The following TSPEAR variants were observed in gnomAD, a reference collection of about 807,000 sequenced individuals.
TSPEAR encodes thrombospondin-type laminin G domain and EAR repeat-containing protein.
Under a neutral mutation model 71.6 loss-of-function variants are expected in TSPEAR, and 69 were observed. The ratio of observed to expected loss-of-function variants is 0.96; its 90% CI spans 0.79 to 1.18. The LOEUF (loss-of-function observed/expected upper bound fraction) is 1.18, where lower values mean the gene tolerates loss of function less well. Ranked by LOEUF, TSPEAR falls within the 50% of genes most tolerant of loss-of-function variation. The probability of loss-of-function intolerance (pLI) is 0.00; values close to 1 mark genes in which losing one functional copy is unlikely to be tolerated. For missense variants in TSPEAR, 971 were observed against 894.9 expected (o/e 1.09, Z -1.09); for synonymous variants, 402 against 387.2 (o/e 1.04, Z -0.45).
intron 2 of TSPEAR, among the ~76,000 whole-genome samples, chr21:44,560,163 A>AT (rs1555920779): frequency 2.6e-5 from 4 of 152,172 alleles, no homozygotes; most frequent in African/African-American, 9.7e-5. Flanking sequence ...ATGGAAAGCA[A>AT]CGTAAGCAGG....
chr21:44,615,719 T>C (rs1982047947), intron 1 of TSPEAR, among the ~76,000 whole-genome samples: 1 of 152,014 alleles, frequency 6.6e-6, no homozygotes, highest in Non-Finnish European at 1.5e-5. Context: ...AACTTCTATA[T>C]ATATATAGTT....
At chr21:44,523,868 G>A (rs587697219) in intron 8 of TSPEAR, among the ~76,000 whole-genome samples, 1 of 151,054 alleles carries the variant, frequency 6.6e-6, no homozygotes, top group East Asian at 2.0e-4. Flanking sequence ...GGCTAGTCAG[G>A]TAGTTGGTCA....
At chr21:44,598,371 C>A (rs1194389997) in intron 1 of TSPEAR, among the ~76,000 whole-genome samples, 6 of 152,214 alleles carry the variant, frequency 3.9e-5, no homozygotes, top group African/African-American at 1.4e-4. Context: ...AACTTCTACT[C>A]TCCTTTGTTC....
intron 1 of TSPEAR, among the ~76,000 whole-genome samples, chr21:44,650,195 G>T (rs972346247): frequency 6.8e-6 from 1 of 147,764 alleles, no homozygotes. Flanking sequence ...CAGCCTGGGT[G>T]ACCAGGCAAG....
At chr21:44,529,668 C>T in intron 5 of TSPEAR, 130 bp downstream of exon 5, 1 of 1,048,408 alleles carries the variant, frequency 9.5e-7, no homozygotes, top group Non-Finnish European at 1.4e-6. Context: ...GACCGCTGCC[C>T]CCCGTAGCAG....
intron 1 of TSPEAR, chr21:44,647,489 G>T (rs1984511159): frequency 9.3e-7 from 1 of 1,078,364 alleles, no homozygotes; most frequent in Non-Finnish European, 1.3e-6. Flanking sequence ...AGGGGATTTT[G>T]AGCGCGTCAC....
intron 1 of TSPEAR, among the ~76,000 whole-genome samples, chr21:44,576,153 G>A (rs1354657901): frequency 6.6e-6 from 1 of 152,226 alleles, no homozygotes; most frequent in Non-Finnish European, 1.5e-5. Flanking sequence ...GAATTTCCAT[G>A]CACAGGTGTC....
chr21:44,667,302 G>T (rs587598925), intron 1 of TSPEAR, among the ~76,000 whole-genome samples: 4 of 152,250 alleles, frequency 2.6e-5, no homozygotes, highest in Middle Eastern at 6.8e-3. Flanking sequence ...GCTCAGGAAG[G>T]CTCCACAGTC....
At chr21:44,614,139 T>A (rs1178350182) in intron 1 of TSPEAR, among the ~76,000 whole-genome samples, 1 of 152,154 alleles carries the variant, frequency 6.6e-6, no homozygotes, top group African/African-American at 2.4e-5. Flanking sequence ...AGCTCCCCCA[T>A]CTTGCTCTGT....
chr21:44,582,907 C>T (rs192910795), intron 1 of TSPEAR, among the ~76,000 whole-genome samples: 117 of 152,034 alleles, frequency 7.7e-4, no homozygotes, highest in African/African-American at 2.5e-3. Flanking sequence ...GCTGCAGGCC[C>T]CACCTCCCGG....
Position 44,546,010 on chromosome 21 carries a change from C to T in TSPEAR, c.304-12087G>A, listed in dbSNP as rs1194067782. On this transcript the variant is annotated intron_variant, in intron 2 of 11. Transcript: ENST00000323084. This position sits in a 1 kb window ranked among gnomAD's most constrained non-coding sequence, Gnocchi z 4.4. ...ACAGATTTGACAAATCTTTATCTGT[C>T]TAGATCTTTATCTAGACAAATATTT... Among the ~76,000 whole-genome samples the T allele has an allele frequency of 4.6e-5, 7 of 152,242 alleles. No homozygotes were observed. In the East Asian group the frequency reaches 1.4e-3, roughly 29 times the overall value.
At chr21:44,669,206 T>C (rs1354954697) in intron 1 of TSPEAR, among the ~76,000 whole-genome samples, 2 of 152,138 alleles carry the variant, frequency 1.3e-5, no homozygotes, top group Admixed American at 1.3e-4. Flanking sequence ...GGCTGGATCA[T>C]GAGGTCAAGA....
intron 2 of TSPEAR, among the ~76,000 whole-genome samples, chr21:44,536,335 T>G (rs141753570): frequency 6.6e-6 from 1 of 152,234 alleles, no homozygotes; most frequent in African/African-American, 2.4e-5. Context: ...TTGGGTGATA[T>G]CTTGCCATTA....
chr21:44,558,625 A>AG (rs587665364), intron 2 of TSPEAR: 32 of 1,606,884 alleles, frequency 2.0e-5, no homozygotes, highest in Non-Finnish European at 2.6e-5. Context: ...GTGGCGCAGC[A>AG]GGGGGGCTCA....
At chr21:44,606,163 C>CAAAAAAAAAAAAAAAAAAAAAAAAAAAAA (rs61407657) in intron 1 of TSPEAR, among the ~76,000 whole-genome samples, 1 of 71,002 alleles carries the variant, frequency 1.4e-5, no homozygotes, top group African/African-American at 4.3e-5. Context: ...GACCCTGGCT[C>CAAAAAAAAAAAAAAAAAAAAAAAAAAAAA]AAAAAAAAAA....
chr21:44,577,338 G>A (rs1213343470), intron 1 of TSPEAR, among the ~76,000 whole-genome samples: 1 of 152,226 alleles, frequency 6.6e-6, no homozygotes, highest in Non-Finnish European at 1.5e-5. Flanking sequence ...CCCGAGACTG[G>A]GCAATTTATG....
At chr21:44,545,296 T>C (rs963849175) in intron 2 of TSPEAR, among the ~76,000 whole-genome samples, 2 of 151,264 alleles carry the variant, frequency 1.3e-5, no homozygotes, top group South Asian at 4.2e-4. Context: ...CCAGCCTGGG[T>C]GACAGAGCAA....
At chr21:44,614,048 C>G (rs938818425) in intron 1 of TSPEAR, among the ~76,000 whole-genome samples, 1 of 152,172 alleles carries the variant, frequency 6.6e-6, no homozygotes, top group Non-Finnish European at 1.5e-5. Context: ...CCCATCCTGC[C>G]GTAGGTCCCT....
intron 2 of TSPEAR, among the ~76,000 whole-genome samples, chr21:44,535,939 G>A (rs587742446): frequency 2.6e-5 from 4 of 151,912 alleles, no homozygotes; most frequent in South Asian, 2.1e-4. Context: ...ACTATCTATG[G>A]GGCTATTAGG....
Sources: gnomAD v4.1 joint callset for allele counts (sites outside exome capture counted in the v4.1 genomes callset) on GRCh38, gnomAD v4.1.1 for gene constraint, Gnocchi (gnomAD v3.1) non-coding constraint, MANE v1.5 for transcripts, NCBI Gene and HGNC (gene_info 2026-07-23, HGNC 2026-07-21) for gene names.